Variants in PCDHGB4 observed in about 807,000 individuals in gnomAD.
PCDHGB4 encodes the protein protocadherin gamma subfamily B, 4.
A neutral mutation model predicts 60.5 loss-of-function variants in PCDHGB4; 38 were observed. That is an observed-to-expected ratio of 0.63 (90% confidence interval 0.48 to 0.82). The LOEUF is 0.82. Among genes scored for constraint, PCDHGB4 ranks in the 40% least tolerant of loss-of-function variants. PCDHGB4 has a pLI of 0.00. For missense variants in PCDHGB4, 1,109 were observed against 1,209.6 expected (o/e 0.92, Z 1.23); for synonymous variants, 456 against 509.7 (o/e 0.89, Z 1.42).
chr5:141,477,043 G>A lies in PCDHGB4; in HGVS notation c.2398-17764G>A. The A allele has an allele frequency of 6.2e-7, 1 of 1,614,260 alleles. No individual in the cohort carries two copies. Among genetic ancestry groups the A allele is most frequent in the Middle Eastern group, 1.6e-4 (1 of 6,062 alleles). On this transcript the variant is annotated intron_variant, in intron 1 of 3. Coordinates refer to ENST00000519479, the MANE Select transcript of PCDHGB4 (RefSeq NM_003736.4). This position sits in a 1 kb window ranked among gnomAD's most constrained non-coding sequence, Gnocchi z 4.9. The stretch of plus-strand genomic sequence containing the variant: ...CCGGGATGCTGACAATCAAGGGTCG[G>A]CTGGACTTCGAGGACACCAAACTCC...
At chr5:141,404,002 A>G in intron 1 of PCDHGB4, 2 of 1,613,928 alleles carry the variant, frequency 1.2e-6, no homozygotes, top group South Asian at 1.1e-5. Context: ...TGACCATTAC[A>G]TCTCTGTTTA....
At chr5:141,433,308 C>A in intron 1 of PCDHGB4, 2 of 915,352 alleles carry the variant, frequency 2.2e-6, no homozygotes, top group Non-Finnish European at 1.6e-6. Context: ...ATTATCCCAC[C>A]TTTGCCTCCG....
At chr5:141,400,191 A>G (rs781032596) in intron 1 of PCDHGB4, 2 of 1,613,970 alleles carry the variant, frequency 1.2e-6, no homozygotes, top group Non-Finnish European at 1.7e-6. Context: ...AGTTTTACCT[A>G]GTGGTGGCCT....
rs2154573815 is a variant in PCDHGB4 at position 141,475,798 on chromosome 5, CAAAGG to C, written c.2398-19004_2398-19000del. ...TTGGCTGGAAACTCTGGAAGGAAGC[CAAAGG>C]AAAGTGAAGTTCCTGGCGCTAGCGC... On this transcript the variant is annotated intron_variant, in intron 1 of 3. Coordinates refer to ENST00000519479, the MANE Select transcript of PCDHGB4 (RefSeq NM_003736.4). The C allele has an allele frequency of 9.7e-6, 3 of 309,052 alleles. No homozygotes were observed. The South Asian group carries it at 2.0e-4, about 21-fold the overall frequency. 19.1% of individuals were successfully genotyped at this position (309,052 alleles called of 1,614,324 possible).
intron 1 of PCDHGB4, chr5:141,404,091 G>A (rs1404367820): frequency 6.2e-7 from 1 of 1,613,422 alleles, no homozygotes; most frequent in Non-Finnish European, 8.5e-7. Flanking sequence ...GGGAAGAATG[G>A]TCAAGTTGTC....
At chr5:141,480,698 C>T (rs1394538159) in intron 1 of PCDHGB4, among the ~76,000 whole-genome samples, 1 of 152,198 alleles carries the variant, frequency 6.6e-6, no homozygotes, top group Admixed American at 6.5e-5. Context: ...ACCCAGGCCA[C>T]ACCCCGACAA....
intron 1 of PCDHGB4, among the ~76,000 whole-genome samples, chr5:141,433,395 CTA>C (rs1426636882): frequency 1.1e-4 from 17 of 150,770 alleles, no homozygotes; most frequent in African/African-American, 4.1e-4. Flanking sequence ...ATCTATCTAT[CTA>C]TCTATCTATT....
intron 1 of PCDHGB4, among the ~76,000 whole-genome samples, chr5:141,459,968 C>T (rs1260233942): frequency 1.3e-5 from 2 of 152,190 alleles, no homozygotes; most frequent in East Asian, 3.8e-4. Context: ...ATCCCAGCTA[C>T]TCAGGAGGCT....
At position 141,418,594 on chromosome 5, in the gene PCDHGB4, C is replaced by G. The variant is rs775489120; in HGVS notation, c.2397+28313C>G. 2.9e-5 allele frequency: 47 copies of G among 1,613,904 alleles called. No individual in the cohort carries two copies. In the South Asian group the frequency reaches 4.6e-4, roughly 16 times the overall value. On this transcript the variant is annotated intron_variant, in intron 1 of 3. Transcript: ENST00000519479. ...ACAACCCCCCAGTGTTCAGCCAGGA[C>G]GTGTACAGGGTTAGCCTTCGGGAAG...
chr5:141,387,952 C>G lies in PCDHGB4; in HGVS notation c.68C>G (p.Ser23Cys). 3 of 1,491,568 alleles carry G rather than the reference C, an allele frequency of 2.0e-6. No individual in the cohort carries two copies. Among genetic ancestry groups the G allele is most frequent in the Non-Finnish European group, 2.7e-6 (3 of 1,114,322 alleles). 92.4% of individuals were successfully genotyped at this position (1,491,568 alleles called of 1,614,324 possible). A position where few individuals can be genotyped will look rare whatever the true frequency, so the allele number is the denominator to read the frequency against. ...CCAGTGCTCTTTCTCTTCCTGCTGT[C>G]TTTGTTCTGCCCGGCGCTCTGTGAG... is the stretch of plus-strand genomic sequence containing the variant. ...RLPVLFLFLL[S>C]LFCPALCEQI... The change falls in exon 1 of 4, where the codon TCT (serine) becomes TGT (cysteine). Residue 23 changes from serine (S) to cysteine (C), a missense_variant. By Grantham distance (112) the Ser-to-Cys change is moderately radical. Coordinates refer to ENST00000519479, the MANE Select transcript of PCDHGB4 (RefSeq NM_003736.4).
At chr5:141,398,916 A>G (rs2150766485) in intron 1 of PCDHGB4, 1 of 1,614,022 alleles carries the variant, frequency 6.2e-7, no homozygotes, top group Non-Finnish European at 8.5e-7. Context: ...CTGTGTTGCA[A>G]GTGTCAGCCA....
In PCDHGB4 at chr5:141,485,576, C is replaced by T. The variant is rs1347032247; in HGVS notation, c.2398-9231C>T. ...GAATGATCACGCCCCCCGTTTTCCG[C>T]GGCAGCAGCTGGACTTGGAAATTGG... On this transcript the variant is annotated intron_variant, in intron 1 of 3. Transcript: ENST00000519479. The surrounding 1 kb of genome is among the most constrained non-coding windows in gnomAD (Gnocchi z 5.7). 21 of 1,612,296 alleles carry T rather than the reference C, an allele frequency of 1.3e-5. 1 individual carries two copies. Among genetic ancestry groups the T allele is most frequent in the Non-Finnish European group, 1.8e-5 (21 of 1,178,636 alleles).
chr5:141,430,756 A>G (rs747363475), intron 1 of PCDHGB4: 1 of 1,503,228 alleles, frequency 6.7e-7, no homozygotes, highest in Non-Finnish European at 8.9e-7. Flanking sequence ...GGAGGAAGAT[A>G]AGAATGATTC....
At chr5:141,390,348 A>G in intron 1 of PCDHGB4, 67 bp downstream of exon 1, 1 of 1,572,378 alleles carries the variant, frequency 6.4e-7, no homozygotes, top group Middle Eastern at 1.7e-4. Flanking sequence ...ACAAGAAAAT[A>G]TACATATTTG....
chr5:141,437,030 A>G (rs1246601314), intron 1 of PCDHGB4, among the ~76,000 whole-genome samples: 1 of 152,248 alleles, frequency 6.6e-6, no homozygotes, highest in Non-Finnish European at 1.5e-5. Context: ...CAGAAAATGG[A>G]TCACCGAAAC....
chr5:141,500,877 A>ATTT (rs369345007), intron 2 of PCDHGB4, among the ~76,000 whole-genome samples: 1 of 122,288 alleles, frequency 8.2e-6, no homozygotes, highest in Admixed American at 8.0e-5. Context: ...TTCATTTACA[A>ATTT]TTTTTTTTTT....
intron 3 of PCDHGB4, 73 bp from the exon 4 acceptor site, chr5:141,510,874 G>C: frequency 6.2e-7 from 1 of 1,610,126 alleles, no homozygotes; most frequent in Non-Finnish European, 8.5e-7. Context: ...TTCATTAACT[G>C]CTGGGGATAT....
In PCDHGB4 at chr5:141,485,308, A is replaced by G; in HGVS notation, c.2398-9499A>G. On this transcript the variant is annotated intron_variant, in intron 1 of 3. Coordinates refer to ENST00000519479, the MANE Select transcript of PCDHGB4 (RefSeq NM_003736.4). The surrounding 1 kb of genome is among the most constrained non-coding windows in gnomAD (Gnocchi z 5.7). ...AGGAGTCACAGGAAGGGACTTTTGTAGGGAATGTCGCTCAAGATTTCCTGC... is the reference window on the plus strand; with the variant it reads ...AGGAGTCACAGGAAGGGACTTTTGTGGGGAATGTCGCTCAAGATTTCCTGC... 6.2e-7 allele frequency: 1 copy of G among 1,614,112 alleles called. No individual in the cohort carries two copies. The highest frequency in any genetic ancestry group is 8.5e-7 in the Non-Finnish European group (1 of 1,179,996).
rs2099611311 is a variant in PCDHGB4 at position 141,485,311 on chromosome 5, G to A, written c.2398-9496G>A. 3.1e-6 allele frequency: 5 copies of A among 1,614,174 alleles called. No individual in the cohort carries two copies. The East Asian group carries it at 6.7e-5, about 22-fold the overall frequency. ...AGTCACAGGAAGGGACTTTTGTAGGGAATGTCGCTCAAGATTTCCTGCTGG... is the reference window on the plus strand; with the variant it reads ...AGTCACAGGAAGGGACTTTTGTAGGAAATGTCGCTCAAGATTTCCTGCTGG... On this transcript the variant is annotated intron_variant, in intron 1 of 3. Transcript: ENST00000519479. The surrounding 1 kb of genome is among the most constrained non-coding windows in gnomAD (Gnocchi z 5.7).
Sources: gnomAD v4.1 joint callset for allele counts (sites outside exome capture counted in the v4.1 genomes callset) on GRCh38, gnomAD v4.1.1 for gene constraint, Gnocchi (gnomAD v3.1) non-coding constraint, MANE v1.5 for transcripts, NCBI Gene and HGNC (gene_info 2026-07-23, HGNC 2026-07-21) for gene names.